SLC24A2: variants seen among roughly 807,000 people sequenced by gnomAD.
SLC24A2 encodes solute carrier family 24 member 2.
SLC24A2 carries 36 observed loss-of-function variants against 62.0 expected under a neutral mutation model. The observed-to-expected ratio is 0.58, with a 90% confidence interval of 0.44 to 0.77. SLC24A2 has a LOEUF of 0.77. Ranked by LOEUF, SLC24A2 falls within the 30% of genes least tolerant of loss-of-function variation. SLC24A2 has a pLI of 0.00. For synonymous variants in SLC24A2, 358 were observed against 294.0 expected (o/e 1.22, Z -2.23); for missense variants, 846 against 817.9 (o/e 1.03, Z -0.42).
chr9:20,285,300 A>C, the SLC24A2 span, among the ~76,000 whole-genome samples: 30 of 152,318 alleles, frequency 2.0e-4, no homozygotes, highest in African/African-American at 7.0e-4. Flanking sequence ...AATATGTAGA[A>C]AGAGGTTTAT....
the SLC24A2 span, among the ~76,000 whole-genome samples, chr9:20,246,792 C>T: frequency 6.6e-6 from 1 of 152,212 alleles, no homozygotes; most frequent in East Asian, 1.9e-4. Flanking sequence ...CATGTATAGC[C>T]AGGCCCAGAT....
At chr9:20,240,385 G>C in the SLC24A2 span, among the ~76,000 whole-genome samples, 2 of 152,096 alleles carry the variant, frequency 1.3e-5, no homozygotes, top group African/African-American at 4.8e-5. Flanking sequence ...CTGAGTGTTG[G>C]AGGAAATATA....
chr9:19,561,253 T>G (rs1337537586), intron 7 of SLC24A2, among the ~76,000 whole-genome samples: 2 of 151,736 alleles, frequency 1.3e-5, no homozygotes, highest in African/African-American at 4.8e-5. Context: ...TTTAACCAAC[T>G]AATTCTCTCT....
the SLC24A2 span, among the ~76,000 whole-genome samples, chr9:20,260,842 A>ATTTTTTTT: frequency 1.6e-5 from 2 of 124,958 alleles, no homozygotes; most frequent in South Asian, 2.9e-4. Flanking sequence ...CCAACGTATC[A>ATTTTTTTT]TTCTTTCTTT....
At chr9:20,138,103 G>A in the SLC24A2 span, among the ~76,000 whole-genome samples, 2 of 152,072 alleles carry the variant, frequency 1.3e-5, no homozygotes, top group Admixed American at 6.5e-5. Flanking sequence ...AGAAAACCAA[G>A]GTAACTTTTT....
intron 2 of SLC24A2, among the ~76,000 whole-genome samples, chr9:19,735,986 C>T (rs553938960): frequency 6.6e-6 from 1 of 151,766 alleles, no homozygotes; most frequent in Non-Finnish European, 1.5e-5. Flanking sequence ...TGCACATGTA[C>T]CCCAAAACTT....
intron 2 of SLC24A2, among the ~76,000 whole-genome samples, chr9:19,752,486 A>G (rs1046727767): frequency 2.8e-4 from 43 of 152,136 alleles, no homozygotes; most frequent in African/African-American, 9.9e-4. Context: ...GCAGATAAGG[A>G]TGCCATTTAA....
the SLC24A2 span, among the ~76,000 whole-genome samples, chr9:20,200,969 G>A: frequency 6.6e-6 from 1 of 152,208 alleles, no homozygotes; most frequent in Admixed American, 6.5e-5. Context: ...GTTTTACCCT[G>A]CAAATCACAA....
intron 2 of SLC24A2, among the ~76,000 whole-genome samples, chr9:19,670,500 C>T (rs139540049): frequency 1.1e-3 from 162 of 152,296 alleles, no homozygotes; most frequent in Middle Eastern, 0.01. Context: ...GCTACCATTA[C>T]AAAGTGCCAG....
chr9:20,166,826 C>G, the SLC24A2 span, among the ~76,000 whole-genome samples: 1 of 151,614 alleles, frequency 6.6e-6, no homozygotes, highest in Non-Finnish European at 1.5e-5. Context: ...AAGAAAAAAC[C>G]CTAATACCAA....
intron 2 of SLC24A2, among the ~76,000 whole-genome samples, chr9:19,706,116 C>A (rs1167204768): frequency 6.6e-6 from 1 of 151,856 alleles, no homozygotes; most frequent in Non-Finnish European, 1.5e-5. Context: ...TCTGGGTGCT[C>A]CTGTATTGGG....
At chr9:19,850,988 T>TATACATAC in the SLC24A2 span, among the ~76,000 whole-genome samples, 2 of 45,756 alleles carry the variant, frequency 4.4e-5, no homozygotes, top group African/African-American at 1.5e-4. Context: ...TATATATGTA[T>TATACATAC]ATATATATAT....
the SLC24A2 span, among the ~76,000 whole-genome samples, chr9:20,116,843 G>A: frequency 1.3e-5 from 2 of 152,060 alleles, no homozygotes; most frequent in Non-Finnish European, 2.9e-5. Flanking sequence ...AAGATAATAG[G>A]TAACTTAGAT....
intron 2 of SLC24A2, among the ~76,000 whole-genome samples, chr9:19,622,628 A>G (rs1817935750): frequency 6.6e-6 from 1 of 152,226 alleles, no homozygotes; most frequent in African/African-American, 2.4e-5. Flanking sequence ...GGTAATTCAC[A>G]TGTTCTGACA....
At chr9:19,860,814 C>T in the SLC24A2 span, among the ~76,000 whole-genome samples, 638 of 152,250 alleles carry the variant, frequency 4.2e-3, 3 homozygotes, top group African/African-American at 0.015. Context: ...CAATATTCAT[C>T]GTGGGCCCGA....
At chr9:19,871,524 T>C in the SLC24A2 span, among the ~76,000 whole-genome samples, 8 of 152,184 alleles carry the variant, frequency 5.3e-5, no homozygotes, top group African/African-American at 1.9e-4. Context: ...CCCCCTCTGG[T>C]GAATTTGCCA....
At chr9:20,153,460 C>G in the SLC24A2 span, among the ~76,000 whole-genome samples, 1 of 151,846 alleles carries the variant, frequency 6.6e-6, no homozygotes, top group Admixed American at 6.6e-5. Flanking sequence ...TTAGGACTTA[C>G]CACGTGTTTC....
chr9:20,014,698 A>C, the SLC24A2 span, among the ~76,000 whole-genome samples: 1 of 152,096 alleles, frequency 6.6e-6, no homozygotes, highest in Admixed American at 6.6e-5. Context: ...ATAGAAGTAG[A>C]GAGGAGAATA....
chr9:19,710,767 C>G (rs556234489), intron 2 of SLC24A2, among the ~76,000 whole-genome samples: 2 of 152,082 alleles, frequency 1.3e-5, no homozygotes, highest in African/African-American at 2.4e-5. Context: ...TTAGGCAGAT[C>G]GCTCTGGCCA....
Sources: allele counts gnomAD v4.1 joint callset (sites outside exome capture counted in the v4.1 genomes callset), GRCh38; gene constraint gnomAD v4.1.1; transcripts MANE v1.5; gene names NCBI Gene and HGNC (gene_info 2026-07-23, HGNC 2026-07-21).